Variants in ADGRL2 observed in about 807,000 individuals in gnomAD.
ADGRL2 encodes calcium-independent alpha-latrotoxin receptor 2.
A neutral mutation model predicts 157.4 loss-of-function variants in ADGRL2; 44 were observed. That is an observed-to-expected ratio of 0.28 (90% CI 0.22 to 0.36). The LOEUF (loss-of-function observed/expected upper bound fraction) is 0.36, where lower values mean the gene tolerates loss of function less well. Ranked by LOEUF, ADGRL2 falls within the 10% of genes least tolerant of loss-of-function variation. The probability of loss-of-function intolerance (pLI) is 1.00; values close to 1 mark genes in which losing one functional copy is unlikely to be tolerated. For missense variants in ADGRL2, 1,510 were observed against 1,768.9 expected, an observed-to-expected ratio of 0.85 and a Z score of 2.63; for synonymous variants, 585 against 624.7, an observed-to-expected ratio of 0.94 and a Z score of 0.95.
intron 3 of ADGRL2, among the ~76,000 whole-genome samples, chr1:81,920,855 T>G (rs1434258908): frequency 6.7e-6 from 1 of 149,998 alleles, no homozygotes; most frequent in Non-Finnish European, 1.5e-5. Context: ...AAACTAAAGG[T>G]TTTAAAGGAA....
intron 1 of ADGRL2, among the ~76,000 whole-genome samples, chr1:81,718,630 A>C (rs1025017293): frequency 2.0e-5 from 3 of 152,218 alleles, no homozygotes; most frequent in Admixed American, 6.5e-5. Context: ...CAAAAGTATA[A>C]ATTGTAATGG....
intron 6 of ADGRL2, among the ~76,000 whole-genome samples, chr1:81,945,695 T>C (rs1425674007): frequency 6.6e-6 from 1 of 152,070 alleles, no homozygotes; most frequent in Non-Finnish European, 1.5e-5. Flanking sequence ...ATGAGAAGCT[T>C]CGGCAGATGT....
chr1:81,966,664 G>A, intron 13 of ADGRL2, 55 bp downstream of exon 13: 2 of 1,532,632 alleles, frequency 1.3e-6, no homozygotes, highest in African/African-American at 1.4e-5. Flanking sequence ...AGAAAGAAAG[G>A]AAAGCAAAAC....
At chr1:81,499,467 C>G (rs997208423) in intron 2 of ADGRL2, among the ~76,000 whole-genome samples, 1 of 152,220 alleles carries the variant, frequency 6.6e-6, no homozygotes, top group South Asian at 2.1e-4. Context: ...GGACTTGAAC[C>G]CGGTTGTTAA....
chr1:81,949,578 C>T (rs1011196600), intron 6 of ADGRL2, among the ~76,000 whole-genome samples: 1 of 152,140 alleles, frequency 6.6e-6, no homozygotes, highest in Non-Finnish European at 1.5e-5. Context: ...GTAACGATGC[C>T]GAAGCCTGAG....
intron 1 of ADGRL2, among the ~76,000 whole-genome samples, chr1:81,404,075 C>A (rs1018376281): frequency 6.6e-6 from 1 of 152,132 alleles, no homozygotes; most frequent in East Asian, 1.9e-4. Context: ...GGATTACAGG[C>A]GTGAGCCACC....
chr1:81,989,542 G>C (rs1365609862), intron 23 of ADGRL2: 1 of 685,488 alleles, frequency 1.5e-6, no homozygotes, highest in Non-Finnish European at 2.5e-6. Context: ...AAAATAAAAG[G>C]CTGCTATTGC....
intron 2 of ADGRL2, among the ~76,000 whole-genome samples, chr1:81,577,988 C>A (rs1233588596): frequency 6.6e-6 from 1 of 152,096 alleles, no homozygotes; most frequent in Non-Finnish European, 1.5e-5. Flanking sequence ...CTCTTCAAAC[C>A]ATATTGAACC....
At chr1:81,342,554 A>G (rs889283013) in intron 1 of ADGRL2, among the ~76,000 whole-genome samples, 1 of 152,300 alleles carries the variant, frequency 6.6e-6, no homozygotes, top group Admixed American at 6.5e-5. Context: ...ATTTAGTCAT[A>G]ATTTTAACCA....
chr1:81,401,643 A>G (rs1005108116), intron 1 of ADGRL2, among the ~76,000 whole-genome samples: 3 of 152,122 alleles, frequency 2.0e-5, no homozygotes, highest in African/African-American at 7.2e-5. Context: ...TGTCCTCCTC[A>G]TTTGGCATGT....
upstream of ADGRL2, among the ~76,000 whole-genome samples, chr1:81,695,269 TA>T (rs1209509962): frequency 6.6e-6 from 1 of 151,632 alleles, no homozygotes; most frequent in Non-Finnish European, 1.5e-5. Context: ...ACAAATATAT[TA>T]AAAATTATTT....
chr1:81,791,947 T>C (rs554413553), intron 2 of ADGRL2, among the ~76,000 whole-genome samples: 2 of 152,346 alleles, frequency 1.3e-5, no homozygotes, highest in Admixed American at 1.3e-4. Context: ...GTATTAAGCA[T>C]AGTCTATAAA....
At chr1:81,472,252 A>G (rs900296641) in intron 2 of ADGRL2, among the ~76,000 whole-genome samples, 8 of 152,204 alleles carry the variant, frequency 5.3e-5, no homozygotes, top group Admixed American at 2.0e-4. Flanking sequence ...TGTTCTCTAG[A>G]TATTTATCAT....
chr1:81,477,040 T>C (rs964462584), intron 2 of ADGRL2, among the ~76,000 whole-genome samples: 1 of 152,180 alleles, frequency 6.6e-6, no homozygotes, highest in Non-Finnish European at 1.5e-5. Flanking sequence ...ATAAAACTTA[T>C]CCTCTCTGTT....
intron 1 of ADGRL2, among the ~76,000 whole-genome samples, chr1:81,802,734 A>C (rs1014043249): frequency 6.6e-6 from 1 of 152,012 alleles, no homozygotes; most frequent in Non-Finnish European, 1.5e-5. Context: ...CCGGTCCCGC[A>C]CTGTAAGTGG....
chr1:81,859,325 T>C (rs2093315160), intron 2 of ADGRL2, among the ~76,000 whole-genome samples: 1 of 152,152 alleles, frequency 6.6e-6, no homozygotes, highest in South Asian at 2.1e-4. Context: ...TCTTTGAGTG[T>C]TGAATATTTG....
At chr1:81,567,709 T>C (rs370529708) in intron 2 of ADGRL2, among the ~76,000 whole-genome samples, 1 of 152,100 alleles carries the variant, frequency 6.6e-6, no homozygotes, top group African/African-American at 2.4e-5. Context: ...GAAAAGAGCA[T>C]AAAAATGTTA....
At chr1:81,501,870 A>C in intron 2 of ADGRL2, 1 of 1,600,718 alleles carries the variant, frequency 6.2e-7, no homozygotes. Context: ...GCCAGAGAGA[A>C]GCAGGGCCAG....
chr1:81,368,331 T>A (rs1440001428), intron 1 of ADGRL2, among the ~76,000 whole-genome samples: 3 of 152,220 alleles, frequency 2.0e-5, no homozygotes, highest in Non-Finnish European at 4.4e-5. Context: ...TGTCTTCTTT[T>A]GAGAAGTGTC....
Sources: allele counts gnomAD v4.1 joint callset (sites outside exome capture counted in the v4.1 genomes callset), GRCh38; gene constraint gnomAD v4.1.1; transcripts MANE v1.5; gene names NCBI Gene and HGNC (gene_info 2026-07-23, HGNC 2026-07-21).